Variants in ARHGAP15 observed in about 807,000 individuals in gnomAD.
ARHGAP15 encodes rho GTPase-activating protein 15.
A neutral mutation model predicts 63.7 loss-of-function variants in ARHGAP15; 51 were observed. That is an observed-to-expected ratio of 0.80 (90% CI 0.64 to 1.01). ARHGAP15 has a LOEUF of 1.01. ARHGAP15 is among the 50% of genes least tolerant of loss of function. The pLI, the probability that ARHGAP15 is intolerant of heterozygous loss-of-function variation, is 0.00. For missense variants in ARHGAP15, 560 were observed against 564.6 expected (o/e 0.99, Z 0.08); for synonymous variants, 191 against 193.8 (o/e 0.99, Z 0.12).
intron 9 of ARHGAP15, among the ~76,000 whole-genome samples, chr2:143,492,550 G>A (rs957767397): frequency 3.3e-5 from 5 of 152,106 alleles, no homozygotes; most frequent in Non-Finnish European, 7.4e-5. Context: ...CCTGAGGTCA[G>A]GGTTCAAGAT....
At chr2:143,385,100 C>T (rs1687221773) in intron 6 of ARHGAP15, among the ~76,000 whole-genome samples, 1 of 152,116 alleles carries the variant, frequency 6.6e-6, no homozygotes, top group South Asian at 2.1e-4. Context: ...ATCTACCAAT[C>T]TTAGGTTTTT....
rs771468071 is a variant in ARHGAP15 at position 143,235,914 on chromosome 2, T to C, written c.384+7246T>C. 6 of 1,531,758 alleles carry C rather than the reference T, an allele frequency of 3.9e-6. No homozygotes were observed. In the South Asian group the frequency reaches 7.4e-5, roughly 19 times the overall value. The allele number at this position is 1,531,758 out of a possible 1,614,324, so 94.9% of individuals were successfully genotyped here. On this transcript the variant is annotated intron_variant, in intron 5 of 13. Transcript: ENST00000295095. ...TCTAGCACTTCATTTGCAGCTTGAC[T>C]CCTAAGTACCTGCTGTACTTTGTGA...
At chr2:143,400,517 C>T (rs888192652) in intron 6 of ARHGAP15, among the ~76,000 whole-genome samples, 2 of 151,834 alleles carry the variant, frequency 1.3e-5, no homozygotes, top group Admixed American at 6.6e-5. Flanking sequence ...GAATTATGAG[C>T]TATCACATAA....
rs1694574391 is a variant in ARHGAP15 at position 143,532,750 on chromosome 2, T to C, written c.925+13386T>C. Among the ~76,000 whole-genome samples the C allele has an allele frequency of 3.3e-5, 5 of 152,176 alleles. No individual in the cohort carries two copies. In the South Asian group the frequency reaches 1.0e-3, roughly 31 times the overall value. On this transcript the variant is annotated intron_variant, in intron 10 of 13. Coordinates refer to ENST00000295095, the MANE Select transcript of ARHGAP15 (RefSeq NM_018460.4). ...CATATTTTCTCATATATTTATAGAC[T>C]AGAATATGGTAACTTTTAATATTTA...
rs1680323697 is a variant in ARHGAP15, at chr2:143,254,558, A to C, written c.474+3958A>C. Among the ~76,000 whole-genome samples the C allele has an allele frequency of 2.6e-5, 4 of 152,124 alleles. No individual in the cohort carries two copies. In the South Asian group the frequency reaches 8.3e-4, roughly 32 times the overall value. On this transcript the variant is annotated intron_variant, in intron 6 of 13. Transcript: ENST00000295095. ...AAAGGAAGTTCGTGACATGGCTATCAAATAGACAACTGATGTATCTCTAAA... is the reference window on the plus strand; with the variant it reads ...AAAGGAAGTTCGTGACATGGCTATCCAATAGACAACTGATGTATCTCTAAA...
chr2:143,460,523 G>A (rs971792382), intron 8 of ARHGAP15, among the ~76,000 whole-genome samples: 18 of 152,130 alleles, frequency 1.2e-4, no homozygotes, highest in African/African-American at 4.3e-4. Context: ...CAAAGTATCT[G>A]AATAATGTTA....
chr2:143,480,794 G>T (rs12617059), intron 8 of ARHGAP15: 39,968 of 152,094 alleles, frequency 0.26, 6,029 homozygotes, highest in East Asian at 0.7. Context: ...AACCACAGGC[G>T]GGGGAAGGCA....
chr2:143,630,574 T>G (rs1160076113), intron 12 of ARHGAP15, among the ~76,000 whole-genome samples: 1 of 152,098 alleles, frequency 6.6e-6, no homozygotes, highest in African/African-American at 2.4e-5. Flanking sequence ...TACTTTTGAT[T>G]TATCAACTAT....
At chr2:143,192,133 C>T (rs1236226313) in intron 2 of ARHGAP15, among the ~76,000 whole-genome samples, 4 of 152,190 alleles carry the variant, frequency 2.6e-5, no homozygotes, top group African/African-American at 9.7e-5. Flanking sequence ...TCTATTCATT[C>T]CACAATGTCA....
chr2:143,623,296 C>T (rs748520275), intron 11 of ARHGAP15, among the ~76,000 whole-genome samples: 1 of 152,156 alleles, frequency 6.6e-6, no homozygotes, highest in Non-Finnish European at 1.5e-5. Flanking sequence ...AATTGCCCAG[C>T]GCACTTTATT....
intron 11 of ARHGAP15, among the ~76,000 whole-genome samples, chr2:143,602,957 C>CAA (rs1272678684): frequency 4.6e-5 from 7 of 152,106 alleles, no homozygotes; most frequent in Admixed American, 4.6e-4. Context: ...ACCAAATAGG[C>CAA]GTACTCTAAT....
chr2:143,564,370 C>T (rs1696141974), intron 11 of ARHGAP15, among the ~76,000 whole-genome samples: 1 of 152,100 alleles, frequency 6.6e-6, no homozygotes, highest in Non-Finnish European at 1.5e-5. Flanking sequence ...AATTAGGGGT[C>T]ATCTTAGAAC....
chr2:143,144,525 G>A (rs905367939), intron 1 of ARHGAP15, among the ~76,000 whole-genome samples: 4 of 152,012 alleles, frequency 2.6e-5, no homozygotes, highest in Non-Finnish European at 5.9e-5. Flanking sequence ...GATTGCCTAG[G>A]AGCTCTTTGG....
chr2:143,255,946 A>T (rs1053365944), intron 6 of ARHGAP15, among the ~76,000 whole-genome samples: 1 of 152,118 alleles, frequency 6.6e-6, no homozygotes, highest in Non-Finnish European at 1.5e-5. Context: ...TACCTATTAG[A>T]TATTCATCCA....
chr2:143,672,848 CACA>C (rs1014304657), intron 12 of ARHGAP15, among the ~76,000 whole-genome samples: 30 of 152,262 alleles, frequency 2.0e-4, no homozygotes, highest in Admixed American at 1.5e-3. Flanking sequence ...GTTACTGAGA[CACA>C]ACAATTTTGC....
At chr2:143,441,000 C>A (rs1254745898) in intron 8 of ARHGAP15, among the ~76,000 whole-genome samples, 1 of 152,168 alleles carries the variant, frequency 6.6e-6, no homozygotes, top group African/African-American at 2.4e-5. Context: ...CTTTCCACAT[C>A]TATAAAAATG....
intron 6 of ARHGAP15, among the ~76,000 whole-genome samples, chr2:143,271,662 G>T (rs747557532): frequency 6.6e-6 from 1 of 152,190 alleles, no homozygotes; most frequent in East Asian, 1.9e-4. Context: ...AACTTTAGTA[G>T]AGACGGGGTT....
chr2:143,370,219 A>T (rs528525762), intron 6 of ARHGAP15, among the ~76,000 whole-genome samples: 1 of 152,276 alleles, frequency 6.6e-6, no homozygotes, highest in South Asian at 2.1e-4. Flanking sequence ...TGTTTCTTTA[A>T]TAACAAAACT....
chr2:143,309,756 C>G (rs1246735808), intron 6 of ARHGAP15, among the ~76,000 whole-genome samples: 1 of 151,914 alleles, frequency 6.6e-6, no homozygotes, highest in African/African-American at 2.4e-5. Context: ...GAATATTCAG[C>G]AGCATCACTG....
Sources: allele counts gnomAD v4.1 joint callset (sites outside exome capture counted in the v4.1 genomes callset), GRCh38; gene constraint gnomAD v4.1.1; transcripts MANE v1.5; gene names NCBI Gene and HGNC (gene_info 2026-07-23, HGNC 2026-07-21).